MFHAS1: variants seen among roughly 807,000 people sequenced by gnomAD.
MFHAS1 encodes the protein multifunctional ROCO family signaling regulator 1.
MFHAS1 carries 50 observed loss-of-function variants against 70.4 expected under a neutral mutation model. The observed-to-expected ratio is 0.71, with a 90% CI of 0.57 to 0.90. MFHAS1 has a LOEUF of 0.90. Among genes scored for constraint, MFHAS1 ranks in the 40% least tolerant of loss-of-function variants. The probability of loss-of-function intolerance (pLI) is 0.00; values close to 1 mark genes in which losing one functional copy is unlikely to be tolerated. For synonymous variants in MFHAS1, 952 were observed against 620.0 expected, an observed-to-expected ratio of 1.54 and a Z score of -7.96; for missense variants, 1,795 against 1,347.6, an observed-to-expected ratio of 1.33 and a Z score of -5.20.
chr8:8,810,876 G>A (rs1806520028), intron 1 of MFHAS1, among the ~76,000 whole-genome samples: 1 of 152,134 alleles, frequency 6.6e-6, no homozygotes, highest in South Asian at 2.1e-4. Context: ...CCAAGGAAGG[G>A]GAGGAAGGAG....
intron 1 of MFHAS1, among the ~76,000 whole-genome samples, chr8:8,848,923 G>C (rs901416612): frequency 1.1e-4 from 16 of 152,230 alleles, no homozygotes; most frequent in African/African-American, 3.9e-4. Flanking sequence ...TAGGAAGAGG[G>C]ATTTACTTCT....
intron 1 of MFHAS1, among the ~76,000 whole-genome samples, chr8:8,857,334 C>T (rs893848749): frequency 2.0e-5 from 3 of 152,190 alleles, no homozygotes; most frequent in African/African-American, 7.2e-5. Context: ...ATTTCTGATT[C>T]CATAATGAGA....
chr8:8,856,982 A>G lies in MFHAS1; in HGVS notation c.2998+33079T>C, dbSNP rs1185688147. Among the ~76,000 whole-genome samples, 22 of 6,560 alleles carry G rather than the reference A, an allele frequency of 3.4e-3. No homozygotes were observed. In the East Asian group the frequency reaches 0.089, roughly 27 times the overall value. 4.3% of individuals were successfully genotyped at this position (6,560 alleles called of 152,430 possible). A position where few individuals can be genotyped will look rare whatever the true frequency, so the allele number is the denominator to read the frequency against. On this transcript the variant is annotated intron_variant, in intron 1 of 2. Coordinates refer to ENST00000276282, the MANE Select transcript of MFHAS1 (RefSeq NM_004225.3). ...TGACACTTTCACATCAGGAAAGTGA[A>G]AAAAAAAAAAAAAAAAAAAAAAAAA...
intron 1 of MFHAS1, among the ~76,000 whole-genome samples, chr8:8,814,235 GT>G (rs2117289364): frequency 6.6e-6 from 1 of 152,292 alleles, no homozygotes; most frequent in Admixed American, 6.5e-5. Flanking sequence ...AGCATGCCTG[GT>G]CACCATTTTT....
In MFHAS1 at chr8:8,891,159, G is replaced by A. The variant is rs369660366; in HGVS notation, c.1900C>T (p.His634Tyr). The A allele has an allele frequency of 6.2e-6, 10 of 1,613,560 alleles. No homozygotes were observed. Among genetic ancestry groups the A allele is most frequent in the East Asian group, 2.2e-5 (1 of 44,886 alleles). ...AACTTGTCCCGAAGGCGTCGTAAGT[G>A]GCGCGGGTCCCTGCAGCTAACAGGC... ...VLPVSCRDPRHLRRLRDKLLS... is the reference protein window; with the variant it reads ...VLPVSCRDPRYLRRLRDKLLS... Residue 634 changes from histidine (H) to tyrosine (Y), a missense_variant, in exon 1 of 3, where the codon CAC becomes TAC. Transcript: ENST00000276282. This position sits in a 1 kb window ranked among gnomAD's most constrained non-coding sequence, Gnocchi z 5.4.
At chr8:8,849,933 G>A (rs1358771899) in intron 1 of MFHAS1, among the ~76,000 whole-genome samples, 1 of 152,202 alleles carries the variant, frequency 6.6e-6, no homozygotes, top group Admixed American at 6.5e-5. Flanking sequence ...CCAGGTCTCT[G>A]AAGAAGCTGC....
Position 8,891,297 on chromosome 8 carries a change from A to T in MFHAS1, c.1762T>A (p.Ser588Thr). The T allele has an allele frequency of 6.2e-7, 1 of 1,611,580 alleles. No individual in the cohort carries two copies. The highest frequency in any genetic ancestry group is 1.3e-5 in the African/African-American group (1 of 75,066). Residue 588 changes from serine to threonine, a missense_variant, in exon 1 of 3, where the codon TCT (serine) becomes ACT (threonine). Transcript: ENST00000276282. This position sits in a 1 kb window ranked among gnomAD's most constrained non-coding sequence, Gnocchi z 5.4. ...EALARDFELR[S>T]ASPHAAYYGV... ...TAGTAGGCTGCGTGGGGGCTGGCAG[A>T]GCGCAGCTCGAAGTCCCGGGCCAGT...
At chr8:8,806,131 C>G (rs1806280917) in intron 1 of MFHAS1, among the ~76,000 whole-genome samples, 1 of 152,194 alleles carries the variant, frequency 6.6e-6, no homozygotes, top group Non-Finnish European at 1.5e-5. Flanking sequence ...TTCTCTGTTT[C>G]TAATACCTGC....
intron 2 of MFHAS1, among the ~76,000 whole-genome samples, chr8:8,788,478 A>G (rs1441136126): frequency 6.6e-6 from 1 of 152,242 alleles, no homozygotes; most frequent in African/African-American, 2.4e-5. Context: ...CAGGAGTTTG[A>G]GACCAGCCTG....
chr8:8,862,174 C>G (rs1808691235), intron 1 of MFHAS1, among the ~76,000 whole-genome samples: 1 of 152,212 alleles, frequency 6.6e-6, no homozygotes. Flanking sequence ...CCAGTTGTCA[C>G]AGCTCCTCGT....
intron 1 of MFHAS1, among the ~76,000 whole-genome samples, chr8:8,881,864 T>C (rs904522543): frequency 6.6e-6 from 1 of 151,384 alleles, no homozygotes; most frequent in Non-Finnish European, 1.5e-5. Context: ...CCATCAGCTT[T>C]GGGAGGTTGG....
intron 1 of MFHAS1, among the ~76,000 whole-genome samples, chr8:8,881,843 C>T (rs1426763504): frequency 6.6e-6 from 1 of 150,810 alleles, no homozygotes; most frequent in African/African-American, 2.4e-5. Flanking sequence ...AAGAAAGCAG[C>T]AGCCAGTGAA....
rs1297586157 is a variant in MFHAS1 at position 8,791,701 on chromosome 8, AC to A, written c.3126-5647del. ...AGATAATGCGGTCTACTTGCTTCCT[AC>A]CTTGCCCACGGGAAGTATAGGTTTG... On this transcript the variant is annotated intron_variant, in intron 2 of 2. Transcript: ENST00000276282. Among the ~76,000 whole-genome samples the A allele has an allele frequency of 2.0e-5, 3 of 152,280 alleles. No homozygotes were observed. In the East Asian group the frequency reaches 5.8e-4, roughly 29 times the overall value.
At position 8,892,959 on chromosome 8, in the gene MFHAS1, G is replaced by A. The variant is rs1319239095; in HGVS notation, c.100C>T (p.Leu34Phe). The change falls in exon 1 of 3, where the codon CTT becomes TTT. Residue 34 changes from leucine to phenylalanine, a missense_variant. Physicochemically the swap from Leu to Phe is conservative, Grantham distance 22. Transcript: ENST00000276282. This position sits in a 1 kb window ranked among gnomAD's most constrained non-coding sequence, Gnocchi z 4.7. ...KLRSNLRQLTLTAAGACPGAG... is the reference protein window; with the variant it reads ...KLRSNLRQLTFTAAGACPGAG... ...CCGGGGCAGGCCCCGGCGGCGGTAA[G>A]CGTGAGCTGGCGCAGGTTGCTCCGC... The A allele has an allele frequency of 3.2e-6, 5 of 1,543,040 alleles. No homozygotes were observed. The highest frequency in any genetic ancestry group is 2.0e-5 in the Admixed American group (1 of 50,056).
In MFHAS1 at chr8:8,797,658, C is replaced by T. The variant is rs565449848; in HGVS notation, c.2999-167G>A. Among the ~76,000 whole-genome samples the T allele has an allele frequency of 2.6e-5, 4 of 152,288 alleles. No homozygotes were observed. In the East Asian group the frequency reaches 5.8e-4, roughly 22 times the overall value. Reference sequence around the variant, plus strand: ...ACCAAGAACAGCAGAACTGCCTGGGCGCCGGCTCCAGCGCCTAAATCCTCC... The same window carrying T: ...ACCAAGAACAGCAGAACTGCCTGGGTGCCGGCTCCAGCGCCTAAATCCTCC... On this transcript the variant is annotated intron_variant, in intron 1 of 2. Transcript: ENST00000276282.
At chr8:8,813,271 A>G (rs924124185) in intron 1 of MFHAS1, among the ~76,000 whole-genome samples, 4 of 152,236 alleles carry the variant, frequency 2.6e-5, no homozygotes. Flanking sequence ...TACAGTATAT[A>G]ATAACAAACG....
intron 1 of MFHAS1, among the ~76,000 whole-genome samples, chr8:8,861,899 C>T (rs1378819568): frequency 6.6e-6 from 1 of 152,224 alleles, no homozygotes; most frequent in Non-Finnish European, 1.5e-5. Flanking sequence ...AGTAGTTCAT[C>T]TCTTTTCCTT....
rs138589517 is a variant in MFHAS1 at position 8,864,410 on chromosome 8, G to C, written c.2998+25651C>G. Among the ~76,000 whole-genome samples, 439 of 152,296 alleles carry C rather than the reference G, an allele frequency of 2.9e-3. 6 individuals carry two copies. Among genetic ancestry groups the C allele is most frequent in the African/African-American group, 9.4e-3 (390 of 41,560 alleles). ...CCTCTTTGCCCACCCTCCCACATTA[G>C]TAGAAACAATGTCTTCCTATCAGAA... On this transcript the variant is annotated intron_variant, in intron 1 of 2. Coordinates refer to ENST00000276282, the MANE Select transcript of MFHAS1 (RefSeq NM_004225.3).
intron 1 of MFHAS1, among the ~76,000 whole-genome samples, chr8:8,798,293 T>C (rs1257904974): frequency 6.6e-6 from 1 of 152,194 alleles, no homozygotes; most frequent in Admixed American, 6.5e-5. Context: ...CACATTATTG[T>C]TCAAACTGCC....
Sources: gnomAD v4.1 joint callset for allele counts (sites outside exome capture counted in the v4.1 genomes callset) on GRCh38, gnomAD v4.1.1 for gene constraint, Gnocchi (gnomAD v3.1) non-coding constraint, MANE v1.5 for transcripts, NCBI Gene and HGNC (gene_info 2026-07-23, HGNC 2026-07-21) for gene names.